The following OGG1 variants were observed in gnomAD, a reference collection of about 807,000 sequenced individuals.
OGG1 encodes the protein N-glycosylase/DNA lyase.
In OGG1, 35 loss-of-function variants were observed where a neutral mutation model predicts 42.3. The observed-to-expected ratio is 0.83, with a 90% CI of 0.63 to 1.10. OGG1 has a LOEUF of 1.10. OGG1 is among the 50% of genes least tolerant of loss of function. OGG1 has a pLI of 0.00. For synonymous variants in OGG1, 189 were observed against 179.0 expected (o/e 1.06, Z -0.44); for missense variants, 484 against 446.7 (o/e 1.08, Z -0.75).
At chr3:9,778,157 A>C (rs1020808204) in intron 2 of OGG1, among the ~76,000 whole-genome samples, 16 of 152,232 alleles carry the variant, frequency 1.1e-4, no homozygotes, top group African/African-American at 3.9e-4. Context: ...ATGAGTTCAG[A>C]ACAATGCCTG....
At chr3:9,784,179 T>C in intron 3 of OGG1, 1 of 1,613,954 alleles carries the variant, frequency 6.2e-7, no homozygotes, top group South Asian at 1.1e-5. Context: ...AGCTCCTCCT[T>C]GATGCGGCTC....
At position 9,784,182 on chromosome 3, in the gene OGG1, T is replaced by G. The variant is rs1174185546; in HGVS notation, c.382+2582T>G. 6.2e-7 allele frequency: 1 copy of G among 1,613,734 alleles called. No individual in the cohort carries two copies. The highest frequency in any genetic ancestry group is 8.5e-7 in the Non-Finnish European group (1 of 1,179,834). On this transcript the variant is annotated intron_variant, in intron 3 of 3. Transcript: ENST00000426518. ...CCCTGGGCAATTAGCTCCTCCTTGA[T>G]GCGGCTCTCCAGGGACTTAGTATGC... is the stretch of plus-strand genomic sequence containing the variant.
chr3:9,783,777 C>CAA, intron 3 of OGG1: 12 of 557,576 alleles, frequency 2.2e-5, no homozygotes, highest in East Asian at 4.0e-5. Flanking sequence ...GACTCCCTCT[C>CAA]AAAAAAAAAC....
At chr3:9,761,552 G>A (rs1340802389), downstream of OGG1, 5 of 1,613,472 alleles carry the variant, frequency 3.1e-6, no homozygotes, top group Non-Finnish European at 4.2e-6. Context: ...GAGGGAAGAG[G>A]ACGTGGTGGT....
intron 2 of OGG1, among the ~76,000 whole-genome samples, chr3:9,778,360 C>G (rs980773123): frequency 6.6e-6 from 1 of 152,242 alleles, no homozygotes; most frequent in African/African-American, 2.4e-5. Flanking sequence ...TGTCCTCTCT[C>G]TCAGGATCCT....
downstream of OGG1, chr3:9,766,770 G>A (rs887487887): frequency 8.5e-6 from 3 of 354,724 alleles, no homozygotes; most frequent in African/African-American, 6.7e-5. Context: ...TCAATCCTCA[G>A]GGATAATTAG....
At position 9,757,252 on chromosome 3, in the gene OGG1, C is replaced by A. The variant is rs774862803; in HGVS notation, c.*102C>A. The A allele has an allele frequency of 1.2e-6, 2 of 1,614,086 alleles. No individual in the cohort carries two copies. Among genetic ancestry groups the A allele is most frequent in the African/African-American group, 1.3e-5 (1 of 75,064 alleles). On this transcript the variant is annotated 3_prime_UTR_variant, in exon 7 of 7. Transcript: ENST00000344629. The surrounding 1 kb of genome is among the most constrained non-coding windows in gnomAD (Gnocchi z 4.5). ...AGTCTCATGTTGGGGAGGGGCCTCC[C>A]TGTGACTACCTCAAAGGCCAGGCAC...
chr3:9,784,102 A>C (rs754392527), intron 3 of OGG1: 20 of 1,614,080 alleles, frequency 1.2e-5, no homozygotes, highest in Middle Eastern at 1.6e-4. Context: ...TGCGAAGCTC[A>C]GCAAGGACCT....
At chr3:9,762,147 A>G (rs1397993410), downstream of OGG1, 2 of 175,896 alleles carry the variant, frequency 1.1e-5, no homozygotes, top group African/African-American at 2.4e-5. Flanking sequence ...GACTCACCCA[A>G]GAACCCACAG....
downstream of OGG1, chr3:9,761,441 C>G (rs776102772): frequency 6.2e-7 from 1 of 1,600,226 alleles, no homozygotes; most frequent in South Asian, 1.1e-5. Context: ...CACAGCCTAC[C>G]ATGGCCAAGC....
chr3:9,769,617 C>T (rs1014547212), downstream of OGG1, among the ~76,000 whole-genome samples: 8 of 152,228 alleles, frequency 5.3e-5, no homozygotes, highest in Non-Finnish European at 1.0e-4. Flanking sequence ...ACACAGGCCC[C>T]CTTCTCTATT....
At chr3:9,782,389 AT>A (rs1435686698) in intron 3 of OGG1, among the ~76,000 whole-genome samples, 1 of 152,214 alleles carries the variant, frequency 6.6e-6, no homozygotes, top group East Asian at 1.9e-4. Context: ...AACAACGAAA[AT>A]AGCTCCTCCC....
At chr3:9,764,637 T>G (rs956556959) in intron 7 of OGG1, among the ~76,000 whole-genome samples, 2 of 147,690 alleles carry the variant, frequency 1.4e-5, no homozygotes, top group African/African-American at 5.0e-5. Flanking sequence ...TGTTTTTTTT[T>G]TTTTTTTTGA....
chr3:9,750,825 G>A, intron 1 of OGG1, 120 bp from the exon 2 acceptor site: 2 of 1,223,568 alleles, frequency 1.6e-6, no homozygotes, highest in Non-Finnish European at 2.4e-6. Flanking sequence ...TGCTCAGACT[G>A]GAAGATAGCA....
intron 2 of OGG1, among the ~76,000 whole-genome samples, chr3:9,775,037 C>T (rs2125607693): frequency 6.6e-6 from 1 of 150,828 alleles, no homozygotes; most frequent in South Asian, 2.1e-4. Flanking sequence ...ATCACTTGAG[C>T]CCAGGAGTTC....
intron 3 of OGG1, chr3:9,784,208 G>C: frequency 6.2e-7 from 1 of 1,609,256 alleles, no homozygotes; most frequent in Non-Finnish European, 8.5e-7. Context: ...CTTAGTATGC[G>C]GCACACTGCA....
chr3:9,788,074 G>C (rs767225571), exon 4 of OGG1: 1 of 240,648 alleles, frequency 4.2e-6, no homozygotes, highest in Non-Finnish European at 8.4e-6. Flanking sequence ...GCGTGGACTT[G>C]ATCCTGTAGA....
chr3:9,777,994 G>T (rs939498113), intron 2 of OGG1, among the ~76,000 whole-genome samples: 1 of 152,210 alleles, frequency 6.6e-6, no homozygotes, highest in African/African-American at 2.4e-5. Context: ...GGCTCTCTCT[G>T]TAAGCCAAAT....
At chr3:9,759,635 A>C (rs1391680656), downstream of OGG1, 1 of 1,613,968 alleles carries the variant, frequency 6.2e-7, no homozygotes, top group East Asian at 2.2e-5. Context: ...GAGGGCCCCA[A>C]ATCCCGCCCC....
Sources: allele counts gnomAD v4.1 joint callset (sites outside exome capture counted in the v4.1 genomes callset), GRCh38; gene constraint gnomAD v4.1.1; non-coding constraint Gnocchi (gnomAD v3.1); transcripts MANE v1.5; gene names NCBI Gene and HGNC (gene_info 2026-07-23, HGNC 2026-07-21).